The following HMCN1 variants were observed in gnomAD, a reference collection of about 807,000 sequenced individuals.
HMCN1 encodes hemicentin-1.
A neutral mutation model predicts 625.9 loss-of-function variants in HMCN1; 321 were observed. The observed-to-expected ratio is 0.51, with a 90% CI of 0.47 to 0.56. HMCN1 has a LOEUF of 0.56. Among genes scored for constraint, HMCN1 ranks in the 20% least tolerant of loss-of-function variants. HMCN1 has a pLI of 0.00. For missense variants in HMCN1, 6,588 were observed against 6,887.3 expected, an observed-to-expected ratio of 0.96 and a Z score of 1.54; for synonymous variants, 2,425 against 2,417.6, an observed-to-expected ratio of 1.00 and a Z score of -0.09.
intron 11 of HMCN1, among the ~76,000 whole-genome samples, chr1:185,936,291 T>C (rs1020230299): frequency 6.6e-6 from 1 of 152,010 alleles, no homozygotes; most frequent in Admixed American, 6.6e-5. Context: ...AAATTATATA[T>C]AAAGACTTCA....
At chr1:186,048,263 A>T (rs111695732) in intron 41 of HMCN1, among the ~76,000 whole-genome samples, 1 of 152,166 alleles carries the variant, frequency 6.6e-6, no homozygotes, top group Non-Finnish European at 1.5e-5. Flanking sequence ...TCATCTGCCA[A>T]GCACCAAACT....
chr1:186,092,778 A>G (rs2102415749), intron 64 of HMCN1, among the ~76,000 whole-genome samples: 1 of 152,172 alleles, frequency 6.6e-6, no homozygotes, highest in East Asian at 1.9e-4. Flanking sequence ...GCTTATAACT[A>G]GATTTTTATG....
At chr1:185,794,087 A>C (rs559961324) in intron 1 of HMCN1, among the ~76,000 whole-genome samples, 1 of 152,282 alleles carries the variant, frequency 6.6e-6, no homozygotes, top group African/African-American at 2.4e-5. Flanking sequence ...AGCTCTGGGA[A>C]ATGTTACGAT....
At chr1:186,115,869 C>CT (rs966323362) in intron 75 of HMCN1, among the ~76,000 whole-genome samples, 3 of 136,650 alleles carry the variant, frequency 2.2e-5, no homozygotes, top group Non-Finnish European at 4.7e-5. Flanking sequence ...TTTTTTTTTG[C>CT]TTTTTTCCAA....
Position 186,103,593 on chromosome 1 carries a change from T to G in HMCN1, c.10695T>G (p.Asp3565Glu), listed in dbSNP as rs1660481475. The change falls in exon 69 of 107, where the codon GAT becomes GAG. Residue 3565 changes from aspartate to glutamate, a missense_variant. By Grantham distance (45) the Asp-to-Glu change is conservative. Coordinates refer to ENST00000271588, the MANE Select transcript of HMCN1 (RefSeq NM_031935.3). Reference sequence around the variant, plus strand: ...CCCCTAAAATGACCTGGATGAAAGATGGCCGGCCCCTTCCACAGACGGATC... The same window carrying G: ...CCCCTAAAATGACCTGGATGAAAGAGGGCCGGCCCCTTCCACAGACGGATC... ...IPAPKMTWMK[D>E]GRPLPQTDQV... 1.2e-6 allele frequency: 2 copies of G among 1,613,840 alleles called. No homozygotes were observed. The highest frequency in any genetic ancestry group is 2.7e-5 in the African/African-American group (2 of 74,926).
intron 36 of HMCN1, among the ~76,000 whole-genome samples, chr1:186,028,929 G>A (rs943755462): frequency 2.0e-5 from 3 of 151,634 alleles, no homozygotes; most frequent in Admixed American, 1.3e-4. Flanking sequence ...GTTTCACTAT[G>A]TTGCCCAGGC....
intron 4 of HMCN1, among the ~76,000 whole-genome samples, chr1:185,899,518 C>A (rs183388918): frequency 6.6e-6 from 1 of 152,154 alleles, no homozygotes; most frequent in African/African-American, 2.4e-5. Context: ...TGAGGTAACT[C>A]TTTATAATTT....
chr1:185,805,962 A>G (rs989470958), intron 1 of HMCN1, among the ~76,000 whole-genome samples: 1 of 152,086 alleles, frequency 6.6e-6, no homozygotes, highest in African/African-American at 2.4e-5. Flanking sequence ...AAAAGATCCT[A>G]TCATTTTTAT....
intron 97 of HMCN1, among the ~76,000 whole-genome samples, chr1:186,158,650 A>G (rs1253128738): frequency 6.6e-6 from 1 of 152,172 alleles, no homozygotes; most frequent in East Asian, 1.9e-4. Context: ...AGCTTTCTAC[A>G]TATGGCTAGC....
At chr1:186,119,385 TCG>T in intron 78 of HMCN1, 87 bp downstream of exon 78, 1 of 962,734 alleles carries the variant, frequency 1.0e-6, no homozygotes, top group South Asian at 1.3e-5. Flanking sequence ...GTAGGTACTG[TCG>T]AGAGCTATGA....
At chr1:186,097,501 CA>C (rs34449166) in intron 68 of HMCN1, among the ~76,000 whole-genome samples, 89,828 of 143,070 alleles carry the variant, frequency 0.63, 28,692 homozygotes, top group African/African-American at 0.84. Context: ...CAATAGCTAT[CA>C]AAAAAAAAAA....
chr1:185,803,622 T>G (rs1403806181), intron 1 of HMCN1, among the ~76,000 whole-genome samples: 1 of 152,144 alleles, frequency 6.6e-6, no homozygotes, highest in Non-Finnish European at 1.5e-5. Context: ...AGGGCACTTT[T>G]GAATAGTTAG....
intron 1 of HMCN1, among the ~76,000 whole-genome samples, chr1:185,790,520 C>A (rs970110039): frequency 2.6e-5 from 4 of 152,178 alleles, no homozygotes; most frequent in African/African-American, 9.7e-5. Flanking sequence ...CATATGGGCA[C>A]CTTGTTTAAC....
Position 186,095,183 on chromosome 1 carries a change from T to G in HMCN1, c.10295-60T>G, listed in dbSNP as rs1660062959. 31 of 1,508,998 alleles carry G rather than the reference T, an allele frequency of 2.1e-5. No individual in the cohort carries two copies. The South Asian group carries it at 3.5e-4, about 17-fold the overall frequency. The allele number at this position is 1,508,998 out of a possible 1,614,324, so 93.5% of individuals were successfully genotyped here. ...TATAGAATTATTCAAATGTTTTAAT[T>G]TAAATTGATCTCAAATTACAATAGA... On this transcript the variant is annotated intron_variant, in intron 67 of 106. Transcript: ENST00000271588.
Position 186,018,212 on chromosome 1 carries a change from A to G in HMCN1, c.5330A>G (p.Glu1777Gly). 1 of 1,612,698 alleles carries G rather than the reference A, an allele frequency of 6.2e-7. No individual in the cohort carries two copies. The highest frequency in any genetic ancestry group is 8.5e-7 in the Non-Finnish European group (1 of 1,179,002). Residue 1777 changes from glutamate to glycine, a missense_variant, in exon 34 of 107, where the codon GAA (glutamate) becomes GGA (glycine). Physicochemically the swap from Glu to Gly is moderately conservative, Grantham distance 98. Around this residue, in one of 3 missense-constraint regions of HMCN1, gnomAD observed 4,628 missense variants for 4,853.1 expected, o/e 0.95. Coordinates refer to ENST00000271588, the MANE Select transcript of HMCN1 (RefSeq NM_031935.3). ...CTGAAGGATGGCCAGTTAATTGATG[A>G]AAGGGATGGATTCAAGATTTTATTA... Reference protein sequence around the residue: ...MWLKDGQLIDERDGFKILLNG... With the variant: ...MWLKDGQLIDGRDGFKILLNG...
At chr1:185,965,218 A>G (rs1650320143) in intron 13 of HMCN1, among the ~76,000 whole-genome samples, 1 of 152,144 alleles carries the variant, frequency 6.6e-6, no homozygotes, top group African/African-American at 2.4e-5. Flanking sequence ...ATTTAGCATC[A>G]CAGGGAAAAG....
At chr1:186,160,750 C>G (rs2102603121) in intron 97 of HMCN1, among the ~76,000 whole-genome samples, 1 of 152,132 alleles carries the variant, frequency 6.6e-6, no homozygotes, top group Non-Finnish European at 1.5e-5. Context: ...TTTCTTAATC[C>G]TGAGTTCTAG....
chr1:185,766,512 G>A (rs1391817354), intron 1 of HMCN1, among the ~76,000 whole-genome samples: 1 of 152,100 alleles, frequency 6.6e-6, no homozygotes, highest in East Asian at 1.9e-4. Context: ...TGCACGAGTA[G>A]TCATTTTAGT....
chr1:185,800,347 G>T (rs1284830802), intron 1 of HMCN1, among the ~76,000 whole-genome samples: 7 of 151,872 alleles, frequency 4.6e-5, no homozygotes. Context: ...TTACATTTTG[G>T]TTCCTCTCTG....
Sources: allele counts gnomAD v4.1 joint callset (sites outside exome capture counted in the v4.1 genomes callset), GRCh38; gene constraint gnomAD v4.1.1; regional missense constraint gnomAD v4.1.1; transcripts MANE v1.5; gene names NCBI Gene and HGNC (gene_info 2026-07-23, HGNC 2026-07-21).